Variants in DPP6 observed in about 807,000 individuals in gnomAD.
DPP6 encodes the protein dipeptidyl peptidase like 6.
In DPP6, 69 loss-of-function variants were observed where a neutral mutation model predicts 122.6. The observed-to-expected ratio is 0.56, with a 90% CI of 0.46 to 0.69. The LOEUF is 0.69. Ranked by LOEUF, DPP6 falls within the 30% of genes least tolerant of loss-of-function variation. The pLI is 0.00. For missense variants in DPP6, 928 were observed against 1,116.9 expected (o/e 0.83, Z 2.41); for synonymous variants, 418 against 433.1 (o/e 0.97, Z 0.43).
chr7:153,885,039 T>C (rs888284974), upstream of DPP6, among the ~76,000 whole-genome samples: 1 of 147,930 alleles, frequency 6.8e-6, no homozygotes, highest in Non-Finnish European at 1.5e-5. Context: ...TTCTTGATTT[T>C]TCCTCTCCTC....
chr7:153,951,804 A>C (rs539516828), intron 1 of DPP6, among the ~76,000 whole-genome samples: 1 of 152,266 alleles, frequency 6.6e-6, no homozygotes, highest in South Asian at 2.1e-4. Context: ...GCACTTTGGG[A>C]GGCTGAGGTG....
At chr7:154,381,576 C>T (rs1813614177) in intron 1 of DPP6, among the ~76,000 whole-genome samples, 1 of 152,106 alleles carries the variant, frequency 6.6e-6, no homozygotes, top group Non-Finnish European at 1.5e-5. Context: ...TTACTAACAT[C>T]AAAGCATTAG....
intron 1 of DPP6, among the ~76,000 whole-genome samples, chr7:154,322,001 T>C (rs1808007197): frequency 6.6e-6 from 1 of 151,924 alleles, no homozygotes; most frequent in Non-Finnish European, 1.5e-5. Flanking sequence ...ATTGCCCTCA[T>C]AGAGAGAAGG....
At chr7:154,336,047 T>C (rs1011056926) in intron 1 of DPP6, among the ~76,000 whole-genome samples, 2 of 152,044 alleles carry the variant, frequency 1.3e-5, no homozygotes, top group African/African-American at 4.8e-5. Flanking sequence ...GTTTTACTAC[T>C]GTATTGATGT....
At chr7:154,507,456 C>T (rs957126138) in intron 3 of DPP6, among the ~76,000 whole-genome samples, 1 of 152,084 alleles carries the variant, frequency 6.6e-6, no homozygotes, top group African/African-American at 2.4e-5. Flanking sequence ...CCCTGATATG[C>T]CCCAGTAAGA....
At chr7:154,794,463 C>A (rs570604814) in intron 11 of DPP6, among the ~76,000 whole-genome samples, 347 of 152,356 alleles carry the variant, frequency 2.3e-3, no homozygotes, top group Non-Finnish European at 3.8e-3. Context: ...GGACGCCGTC[C>A]GCAGTTCACT....
intron 3 of DPP6, among the ~76,000 whole-genome samples, chr7:154,533,650 C>A (rs1828018775): frequency 6.6e-6 from 1 of 151,964 alleles, no homozygotes; most frequent in Non-Finnish European, 1.5e-5. Flanking sequence ...GAATTAAGAC[C>A]AATATCCTTC....
At chr7:154,245,634 T>TAAAAAAAAAA (rs1563363019) in intron 1 of DPP6, among the ~76,000 whole-genome samples, 2 of 24,166 alleles carry the variant, frequency 8.3e-5, no homozygotes, top group Non-Finnish European at 7.7e-5. Flanking sequence ...TAAGACTGTC[T>TAAAAAAAAAA]CAAAAAAAAA....
chr7:154,220,805 C>T (rs1205852364), intron 1 of DPP6, among the ~76,000 whole-genome samples: 2 of 152,176 alleles, frequency 1.3e-5, no homozygotes, highest in Non-Finnish European at 2.9e-5. Flanking sequence ...CCAAGTCCTG[C>T]AGAAATACCT....
Position 154,853,801 on chromosome 7 carries a change from C to T in DPP6, c.1688C>T (p.Thr563Met), listed in dbSNP as rs374211228. 117 of 1,613,714 alleles carry T rather than the reference C, an allele frequency of 7.3e-5. No homozygotes were observed. The highest frequency in any genetic ancestry group is 9.2e-5 in the Non-Finnish European group (108 of 1,179,804). Residue 563 changes from threonine to methionine, a missense_variant, in exon 17 of 26, where the codon ACG becomes ATG. Coordinates refer to ENST00000377770, the MANE Select transcript of DPP6 (RefSeq NM_130797.4). Reference sequence around the variant, plus strand: ...ACAGGTCCTGGTGTTCCTATGGTGACGGTGCACAACACAACAGATAAGAAA... The same window carrying T: ...ACAGGTCCTGGTGTTCCTATGGTGATGGTGCACAACACAACAGATAAGAAA... ...KCEGPGVPMV[T>M]VHNTTDKKKM...
chr7:154,622,786 G>T (rs771847332), intron 5 of DPP6, among the ~76,000 whole-genome samples: 1 of 152,146 alleles, frequency 6.6e-6, no homozygotes, highest in South Asian at 2.1e-4. Context: ...CATGGACCAC[G>T]GTCCCAGCCA....
chr7:154,101,459 G>T (rs983818742), intron 1 of DPP6, among the ~76,000 whole-genome samples: 12 of 150,816 alleles, frequency 8.0e-5, no homozygotes, highest in African/African-American at 2.9e-4. Flanking sequence ...TCCACACAAT[G>T]GAAAGAGAAG....
intron 16 of DPP6, among the ~76,000 whole-genome samples, chr7:154,813,362 C>T (rs745450370): frequency 6.6e-6 from 1 of 152,120 alleles, no homozygotes; most frequent in Non-Finnish European, 1.5e-5. Flanking sequence ...GGATTACAGG[C>T]ATGAGCCACC....
the DPP6 span, among the ~76,000 whole-genome samples, chr7:153,823,699 C>T: frequency 4.6e-5 from 7 of 151,786 alleles, no homozygotes; most frequent in South Asian, 1.3e-3. Context: ...GGGAAGATTC[C>T]ATGTCTTGAT....
intron 3 of DPP6, among the ~76,000 whole-genome samples, chr7:154,528,980 C>T (rs775327704): frequency 9.2e-5 from 14 of 152,238 alleles, no homozygotes; most frequent in Middle Eastern, 3.4e-3. Flanking sequence ...TCGGAAGGAC[C>T]TTAAATGTCA....
chr7:154,320,289 T>G (rs978811657), intron 1 of DPP6, among the ~76,000 whole-genome samples: 1 of 152,066 alleles, frequency 6.6e-6, no homozygotes, highest in Admixed American at 6.6e-5. Context: ...TCCAGTGCGG[T>G]CTCCATAAAG....
At position 154,024,817 on chromosome 7, in the gene DPP6, G is replaced by A. The variant is rs187339267; in HGVS notation, c.51+137083G>A. Among the ~76,000 whole-genome samples, 5 of 152,246 alleles carry A rather than the reference G, an allele frequency of 3.3e-5. 1 individual carries two copies. Among genetic ancestry groups the A allele is most frequent in the South Asian group, 4.1e-4 (2 of 4,822 alleles). ...CCACCTTTCTCCTCCTACTTTTCTC[G>A]CCAGGTACCACAGTCTGTGTAAGAT... On this transcript the variant is annotated intron_variant, in intron 1 of 25. Coordinates refer to the DPP6 transcript ENST00000404039.
chr7:154,721,355 A>G lies in DPP6; in HGVS notation c.763-6412A>G, dbSNP rs145196047. On this transcript the variant is annotated intron_variant, in intron 7 of 25. Transcript: ENST00000377770. ...CCCCTGACCCACCAGCTGCTGGGCA[A>G]GTTGCTTAACAGCTCTGTGCTCCTG... 1.1e-3 allele frequency among the ~76,000 whole-genome samples: 164 copies of G among 152,270 alleles called. 1 individual carries two copies. The highest frequency in any genetic ancestry group is 3.8e-3 in the African/African-American group (158 of 41,562).
intron 17 of DPP6, among the ~76,000 whole-genome samples, chr7:154,867,618 A>G (rs1378314805): frequency 6.6e-6 from 1 of 152,218 alleles, no homozygotes; most frequent in Admixed American, 6.5e-5. Flanking sequence ...TATGGCCACA[A>G]TTTTTGGAAA....
Sources: gnomAD v4.1 joint callset for allele counts (sites outside exome capture counted in the v4.1 genomes callset) on GRCh38, gnomAD v4.1.1 for gene constraint, MANE v1.5 for transcripts, NCBI Gene and HGNC (gene_info 2026-07-23, HGNC 2026-07-21) for gene names.